MYO9A: variants seen among roughly 807,000 people sequenced by gnomAD.
The protein encoded by MYO9A is myosin IXA, also known as unconventional myosin-IXa.
A neutral mutation model predicts 293.3 loss-of-function variants in MYO9A; 103 were observed. The observed-to-expected ratio is 0.35, with a 90% CI of 0.30 to 0.41. The LOEUF is 0.41. Ranked by LOEUF, MYO9A falls within the 10% of genes least tolerant of loss-of-function variation. The probability of loss-of-function intolerance (pLI) is 1.00; values close to 1 mark genes in which losing one functional copy is unlikely to be tolerated. For missense variants in MYO9A, 2,685 were observed against 3,033.0 expected, an observed-to-expected ratio of 0.89 and a Z score of 2.69; for synonymous variants, 1,001 against 1,035.7, an observed-to-expected ratio of 0.97 and a Z score of 0.64.
intron 31 of MYO9A, among the ~76,000 whole-genome samples, chr15:71,876,834 AAAC>A (rs2056709868): frequency 6.6e-6 from 1 of 152,188 alleles, no homozygotes. Context: ...GGACACGGAA[AAAC>A]TCTTTTCCAT....
chr15:72,031,562 T>C (rs1308776027), intron 3 of MYO9A, among the ~76,000 whole-genome samples: 1 of 152,182 alleles, frequency 6.6e-6, no homozygotes, highest in Admixed American at 6.5e-5. Flanking sequence ...GGTCTCTGTC[T>C]GAAAACATCT....
chr15:72,044,140 C>T (rs1177443068), intron 2 of MYO9A, among the ~76,000 whole-genome samples: 1 of 152,128 alleles, frequency 6.6e-6, no homozygotes, highest in African/African-American at 2.4e-5. Context: ...GGGGCGATGG[C>T]TCATGCCTGT....
chr15:72,022,713 A>G (rs939865599), intron 4 of MYO9A, among the ~76,000 whole-genome samples: 4 of 151,780 alleles, frequency 2.6e-5, no homozygotes, highest in African/African-American at 9.7e-5. Flanking sequence ...AAATCTGGCT[A>G]ATTTTTGTAT....
chr15:71,916,337 T>C, intron 19 of MYO9A, 33 bp downstream of exon 19: 1 of 1,598,806 alleles, frequency 6.3e-7, no homozygotes, highest in Non-Finnish European at 8.5e-7. Flanking sequence ...AAGATACAGA[T>C]TCTTATTTGT....
At chr15:71,901,922 C>G (rs890149456) in intron 22 of MYO9A, among the ~76,000 whole-genome samples, 3 of 152,064 alleles carry the variant, frequency 2.0e-5, no homozygotes, top group African/African-American at 7.2e-5. Context: ...TTTTGAAATC[C>G]AGCGTGCATT....
intron 1 of MYO9A, among the ~76,000 whole-genome samples, chr15:72,051,850 C>CAGGCAGGCTCCTGGGCAAAAGG (rs1456804014): frequency 3.3e-5 from 5 of 152,158 alleles, no homozygotes; most frequent in African/African-American, 1.2e-4. Flanking sequence ...CAGGAGGAGG[C>CAGGCAGGCTCCTGGGCAAAAGG]AGGCAGGCTC....
At chr15:71,927,830 A>G (rs1220087646) in intron 18 of MYO9A, among the ~76,000 whole-genome samples, 1 of 150,534 alleles carries the variant, frequency 6.6e-6, no homozygotes, top group African/African-American at 2.4e-5. Flanking sequence ...TCATTCTTCT[A>G]CATGTGGATA....
At chr15:72,056,157 G>A (rs997326658) in intron 1 of MYO9A, among the ~76,000 whole-genome samples, 14 of 152,190 alleles carry the variant, frequency 9.2e-5, no homozygotes, top group African/African-American at 3.4e-4. Flanking sequence ...GAACCCGGGA[G>A]GCAAAGGTTG....
chr15:71,840,808 T>A (rs1405158652), intron 39 of MYO9A, among the ~76,000 whole-genome samples: 1 of 152,118 alleles, frequency 6.6e-6, no homozygotes, highest in Non-Finnish European at 1.5e-5. Context: ...TTTTTTGTAT[T>A]TTTTAGTAGA....
At chr15:71,846,871 A>G (rs1567191886) in intron 39 of MYO9A, among the ~76,000 whole-genome samples, 1 of 152,234 alleles carries the variant, frequency 6.6e-6, no homozygotes, top group African/African-American at 2.4e-5. Context: ...CTAGTCCACC[A>G]ATTTGGATTA....
intron 33 of MYO9A, among the ~76,000 whole-genome samples, chr15:71,861,243 G>C (rs2056111833): frequency 6.6e-6 from 1 of 150,904 alleles, no homozygotes; most frequent in Non-Finnish European, 1.5e-5. Context: ...GCAAACTGCT[G>C]TCATATTGGT....
At chr15:71,851,167 A>C (rs2055631477) in intron 37 of MYO9A, 86 bp downstream of exon 37, 2 of 1,010,630 alleles carry the variant, frequency 2.0e-6, no homozygotes, top group Non-Finnish European at 3.0e-6. Flanking sequence ...AATACCTGTC[A>C]GTCTTCCAAA....
intron 2 of MYO9A, among the ~76,000 whole-genome samples, chr15:72,039,535 C>G (rs546467804): frequency 6.6e-6 from 1 of 152,000 alleles, no homozygotes; most frequent in South Asian, 2.1e-4. Context: ...ACCCATGGTT[C>G]AAAGAAGAAA....
intron 6 of MYO9A, among the ~76,000 whole-genome samples, chr15:72,015,064 G>A (rs191207139): frequency 3.3e-5 from 5 of 150,602 alleles, no homozygotes; most frequent in Admixed American, 3.3e-4. Flanking sequence ...GGCCAGGCTG[G>A]TCTCGAACTC....
At chr15:71,931,010 T>G (rs1437596031) in intron 18 of MYO9A, among the ~76,000 whole-genome samples, 1 of 152,212 alleles carries the variant, frequency 6.6e-6, no homozygotes. Flanking sequence ...ATTTTATATC[T>G]TTTTATAATT....
intron 23 of MYO9A, among the ~76,000 whole-genome samples, chr15:71,900,918 A>G (rs1338135285): frequency 6.6e-6 from 1 of 152,230 alleles, no homozygotes; most frequent in African/African-American, 2.4e-5. Flanking sequence ...AACAAATATT[A>G]GGTAACTCCT....
At chr15:71,861,519 C>G (rs1287665835) in intron 33 of MYO9A, among the ~76,000 whole-genome samples, 1 of 146,916 alleles carries the variant, frequency 6.8e-6, no homozygotes, top group East Asian at 2.0e-4. Context: ...CTACTGTAAT[C>G]TGCTAAAAGG....
chr15:71,834,477 AAAG>A (rs2054857725), intron 39 of MYO9A, among the ~76,000 whole-genome samples: 2 of 152,152 alleles, frequency 1.3e-5, no homozygotes, highest in Non-Finnish European at 2.9e-5. Context: ...AATACATTAA[AAAG>A]AAGGATTATT....
At chr15:71,878,003 T>C in intron 31 of MYO9A, 37 bp downstream of exon 31, 1 of 1,489,932 alleles carries the variant, frequency 6.7e-7, no homozygotes, top group Non-Finnish European at 9.0e-7. Flanking sequence ...GAATTCATAA[T>C]TAAATCCTTT....
Sources: allele counts gnomAD v4.1 joint callset (sites outside exome capture counted in the v4.1 genomes callset), GRCh38; gene constraint gnomAD v4.1.1; transcripts MANE v1.5; gene names NCBI Gene and HGNC (gene_info 2026-07-23, HGNC 2026-07-21).